NCAM2: variants seen among roughly 807,000 people sequenced by gnomAD.
The protein encoded by NCAM2 is neural cell adhesion molecule 2.
In NCAM2, 30 loss-of-function variants were observed where a neutral mutation model predicts 98.1. The observed-to-expected ratio is 0.31, with a 90% confidence interval of 0.23 to 0.41. The LOEUF is 0.41. Ranked by LOEUF, NCAM2 falls within the 10% of genes least tolerant of loss-of-function variation. The pLI, the probability that NCAM2 is intolerant of heterozygous loss-of-function variation, is 1.00. For missense variants in NCAM2, 867 were observed against 1,005.8 expected (o/e 0.86, Z 1.87); for synonymous variants, 368 against 342.4 (o/e 1.07, Z -0.83).
intron 1 of NCAM2, among the ~76,000 whole-genome samples, chr21:21,166,035 C>T (rs191671981): frequency 7.9e-5 from 12 of 152,230 alleles, no homozygotes; most frequent in Non-Finnish European, 1.3e-4. Context: ...TTGCTTTATT[C>T]CCTGAGAAAC....
At chr21:21,438,438 T>C (rs1261968422) in intron 12 of NCAM2, among the ~76,000 whole-genome samples, 1 of 152,188 alleles carries the variant, frequency 6.6e-6, no homozygotes, top group East Asian at 1.9e-4. Flanking sequence ...ATTATTATAT[T>C]CTTTTTGAAG....
At chr21:21,057,556 T>A (rs2065237088) in intron 1 of NCAM2, among the ~76,000 whole-genome samples, 1 of 152,080 alleles carries the variant, frequency 6.6e-6, no homozygotes, top group Non-Finnish European at 1.5e-5. Flanking sequence ...GACAAAGTCC[T>A]CATGCACCCG....
chr21:21,202,981 A>G (rs901971649), intron 1 of NCAM2, among the ~76,000 whole-genome samples: 20 of 152,190 alleles, frequency 1.3e-4, no homozygotes, highest in African/African-American at 4.8e-4. Context: ...ACTATCAATA[A>G]CAGTTGTTTG....
intron 1 of NCAM2, among the ~76,000 whole-genome samples, chr21:21,131,265 G>A (rs1450064279): frequency 7.2e-6 from 1 of 139,246 alleles, no homozygotes; most frequent in African/African-American, 2.8e-5. Flanking sequence ...TTTATTTCTA[G>A]GGTTTAATTT....
chr21:21,470,711 A>G (rs2146231314), intron 14 of NCAM2, among the ~76,000 whole-genome samples: 1 of 152,130 alleles, frequency 6.6e-6, no homozygotes, highest in African/African-American at 2.4e-5. Flanking sequence ...TTCTAACTCC[A>G]GAAGTGCTAG....
chr21:21,483,355 T>C (rs1352438354), intron 15 of NCAM2, among the ~76,000 whole-genome samples: 3 of 152,030 alleles, frequency 2.0e-5, no homozygotes, highest in African/African-American at 7.2e-5. Context: ...GTTGTTTAGA[T>C]TTAACAAGCT....
At chr21:21,463,328 A>G (rs951046962) in intron 12 of NCAM2, among the ~76,000 whole-genome samples, 1 of 152,094 alleles carries the variant, frequency 6.6e-6, no homozygotes, top group Non-Finnish European at 1.5e-5. Flanking sequence ...GTTCTATTTC[A>G]CACAATAATC....
At chr21:21,373,817 A>C (rs2148052637) in intron 8 of NCAM2, 46 bp from the exon 9 acceptor site, 1 of 1,496,680 alleles carries the variant, frequency 6.7e-7, no homozygotes, top group South Asian at 1.4e-5. Context: ...ACCATTTTGC[A>C]CACACAAGCA....
At position 21,513,535 on chromosome 21, in the gene NCAM2, T is replaced by A. The variant is rs78787687; in HGVS notation, c.2282+4480T>A. Among the ~76,000 whole-genome samples the A allele has an allele frequency of 6.9e-3, 1,058 of 152,256 alleles. 6 individuals carry two copies. The highest frequency in any genetic ancestry group is 0.01 in the Non-Finnish European group (697 of 68,012). ...CCTCTTTTTATTGACTTTTAGTTTA[T>A]TGTTTTCCGTTGTCAGAAAATATGC... On this transcript the variant is annotated intron_variant, in intron 16 of 17. Coordinates refer to ENST00000400546, the MANE Select transcript of NCAM2 (RefSeq NM_004540.5).
intron 9 of NCAM2, among the ~76,000 whole-genome samples, chr21:21,402,787 C>T (rs2076660351): frequency 6.6e-6 from 1 of 152,054 alleles, no homozygotes; most frequent in Non-Finnish European, 1.5e-5. Context: ...GTGGCTGACA[C>T]TTAGGGAAAA....
At chr21:21,200,911 T>G (rs189562982) in intron 1 of NCAM2, among the ~76,000 whole-genome samples, 8 of 152,178 alleles carry the variant, frequency 5.3e-5, no homozygotes, top group African/African-American at 1.9e-4. Context: ...GATTCTCGGG[T>G]GTAGTGATAA....
intron 12 of NCAM2, among the ~76,000 whole-genome samples, chr21:21,445,371 A>G (rs1979952165): frequency 6.6e-6 from 1 of 152,076 alleles, no homozygotes; most frequent in Non-Finnish European, 1.5e-5. Context: ...GAGCTGAGTT[A>G]AAGTCCTGAA....
At chr21:21,436,429 C>G (rs757366001) in intron 12 of NCAM2, among the ~76,000 whole-genome samples, 4 of 152,190 alleles carry the variant, frequency 2.6e-5, no homozygotes, top group African/African-American at 4.8e-5. Flanking sequence ...CCCTCTTCCT[C>G]CAGAATGAGT....
intron 12 of NCAM2, among the ~76,000 whole-genome samples, chr21:21,451,821 A>G (rs1020152104): frequency 6.6e-6 from 1 of 152,064 alleles, no homozygotes; most frequent in African/African-American, 2.4e-5. Context: ...AGACATCTTC[A>G]TCTCCACAGT....
chr21:21,412,908 A>G (rs1351174323), intron 10 of NCAM2, among the ~76,000 whole-genome samples: 2 of 152,138 alleles, frequency 1.3e-5, no homozygotes, highest in Non-Finnish European at 2.9e-5. Flanking sequence ...AATTATTGTA[A>G]AAGTCATATA....
At chr21:21,074,176 T>G (rs1320439813) in intron 1 of NCAM2, among the ~76,000 whole-genome samples, 1 of 152,142 alleles carries the variant, frequency 6.6e-6, no homozygotes, top group African/African-American at 2.4e-5. Flanking sequence ...TATGCTATAT[T>G]TCTGTCCGTC....
At chr21:21,487,006 A>T (rs188874142) in intron 15 of NCAM2, among the ~76,000 whole-genome samples, 37 of 152,262 alleles carry the variant, frequency 2.4e-4, no homozygotes, top group Non-Finnish European at 5.0e-4. Flanking sequence ...TGAGATACAC[A>T]TAAATTCTTT....
Position 21,009,883 on chromosome 21 carries a change from CTGTG to C in NCAM2, c.55+11297_55+11300del, listed in dbSNP as rs5842868. Among the ~76,000 whole-genome samples, 752 of 139,718 alleles carry C rather than the reference CTGTG, an allele frequency of 5.4e-3. 16 individuals are homozygous for C. The highest frequency in any genetic ancestry group is 6.3e-3 in the African/African-American group (238 of 37,702). The allele number at this position is 139,718 out of a possible 152,430, so 91.7% of individuals were successfully genotyped here. A position where few individuals can be genotyped will look rare whatever the true frequency, so the allele number is the denominator to read the frequency against. On this transcript the variant is annotated intron_variant, in intron 1 of 17. Coordinates refer to ENST00000400546, the MANE Select transcript of NCAM2 (RefSeq NM_004540.5). ...AAAATCCTCCTTTGGCCTCTGATAG[CTGTG>C]TGTGTGTGTGTGTGTGTGTGTGTGT...
At chr21:21,488,377 C>A (rs897334473) in intron 15 of NCAM2, among the ~76,000 whole-genome samples, 1 of 151,774 alleles carries the variant, frequency 6.6e-6, no homozygotes, top group Admixed American at 6.6e-5. Flanking sequence ...GTTTCAACCA[C>A]GTACAATTAA....
Sources: allele counts gnomAD v4.1 joint callset (sites outside exome capture counted in the v4.1 genomes callset), GRCh38; gene constraint gnomAD v4.1.1; transcripts MANE v1.5; gene names NCBI Gene and HGNC (gene_info 2026-07-23, HGNC 2026-07-21).